METTL8: variants seen among roughly 807,000 people sequenced by gnomAD.
METTL8 encodes tRNA N(3)-cytidine methyltransferase METTL8, mitochondrial.
Under a neutral mutation model 48.7 loss-of-function variants are expected in METTL8, and 32 were observed. That is an observed-to-expected ratio of 0.66 (90% CI 0.50 to 0.88). The LOEUF (loss-of-function observed/expected upper bound fraction) is 0.88, where lower values mean the gene tolerates loss of function less well. METTL8 is among the 40% of genes least tolerant of loss of function. The pLI is 0.00. For synonymous variants in METTL8, 136 were observed against 157.1 expected (o/e 0.87, Z 1.01); for missense variants, 464 against 474.4 (o/e 0.98, Z 0.20).
In METTL8 at chr2:171,330,835, C is replaced by T. The variant is rs979313145; in HGVS notation, c.721-137G>A. 5 of 667,116 alleles carry T rather than the reference C, an allele frequency of 7.5e-6. No individual in the cohort carries two copies. In the South Asian group the frequency reaches 1.1e-4, roughly 15 times the overall value. The allele number at this position is 667,116 out of a possible 1,614,324, so 41.3% of individuals were successfully genotyped here. On this transcript the variant is annotated intron_variant, in intron 6 of 9. Transcript: ENST00000375258. ...CTCTGTCAGTCTGAACACTTTTTTCCAATTCAGTATTGTTAGCTTATTTCA... is the reference window on the plus strand; with the variant it reads ...CTCTGTCAGTCTGAACACTTTTTTCTAATTCAGTATTGTTAGCTTATTTCA...
intron 9 of METTL8, 147 bp from the exon 10 acceptor site, chr2:171,324,509 G>A (rs1209380800): frequency 5.5e-6 from 4 of 723,544 alleles, no homozygotes; most frequent in Non-Finnish European, 6.6e-6. Flanking sequence ...GGAAACCTGT[G>A]AAACCAAGCG....
At chr2:171,360,593 C>T (rs986324362) in intron 2 of METTL8, 80 bp from the exon 3 acceptor site, 1 of 1,192,288 alleles carries the variant, frequency 8.4e-7, no homozygotes, top group Non-Finnish European at 1.2e-6. Context: ...CCACATCTTT[C>T]ATTCTAGATT....
intron 1 of METTL8, among the ~76,000 whole-genome samples, chr2:171,400,395 T>G (rs1468586912): frequency 6.6e-6 from 1 of 152,194 alleles, no homozygotes; most frequent in Non-Finnish European, 1.5e-5. Flanking sequence ...TTCCCCAGTC[T>G]TTAATGGGGT....
intron 2 of METTL8, chr2:171,374,900 G>C: frequency 9.4e-7 from 1 of 1,067,722 alleles, no homozygotes; most frequent in East Asian, 2.4e-5. Flanking sequence ...CCAGAGAATA[G>C]TCTGTCTTCA....
intron 7 of METTL8, among the ~76,000 whole-genome samples, chr2:171,329,303 A>G (rs1685280597): frequency 6.6e-6 from 1 of 152,250 alleles, no homozygotes; most frequent in African/African-American, 2.4e-5. Context: ...TCTCTTCTCT[A>G]TAACATTCAA....
At chr2:171,326,351 G>A in intron 7 of METTL8, 1 of 506,494 alleles carries the variant, frequency 2.0e-6, no homozygotes, top group East Asian at 3.3e-5. Flanking sequence ...AGATTCAAAA[G>A]TCCTAGAGTA....
At chr2:171,364,050 T>A (rs1046190630) in intron 2 of METTL8, among the ~76,000 whole-genome samples, 2 of 151,572 alleles carry the variant, frequency 1.3e-5, no homozygotes, top group Non-Finnish European at 2.9e-5. Flanking sequence ...TGACCTCAGG[T>A]GATTTGCCCG....
chr2:171,365,376 T>C (rs1055822153), intron 2 of METTL8, among the ~76,000 whole-genome samples: 1 of 151,958 alleles, frequency 6.6e-6, no homozygotes, highest in African/African-American at 2.4e-5. Flanking sequence ...GACTCATGAG[T>C]TCTCCTTCAC....
intron 5 of METTL8, among the ~76,000 whole-genome samples, chr2:171,336,141 G>C (rs1686062729): frequency 6.6e-6 from 1 of 151,950 alleles, no homozygotes; most frequent in African/African-American, 2.4e-5. Flanking sequence ...CTGTTGCCTG[G>C]GCTGGAGTGC....
intron 1 of METTL8, among the ~76,000 whole-genome samples, chr2:171,398,194 A>G (rs1689295391): frequency 6.6e-6 from 1 of 152,224 alleles, no homozygotes; most frequent in African/African-American, 2.4e-5. Flanking sequence ...TTGTACACCC[A>G]TATTCATAGC....
chr2:171,337,502 C>T lies in METTL8; in HGVS notation c.607G>A (p.Val203Ile), dbSNP rs528516496. Reference sequence around the variant, plus strand: ...ACACTATTTCCAGCTCCACAACCAACCTAAAATCAAAAGAACAAGCAAATA... The same window carrying T: ...ACACTATTTCCAGCTCCACAACCAATCTAAAATCAAAAGAACAAGCAAATA... ...GSNATFRILEVGCGAGNSVFP... is the reference protein window; with the variant it reads ...GSNATFRILEIGCGAGNSVFP... The change falls in exon 5 of 10, where the codon GTT (valine) becomes ATT (isoleucine). Residue 203 changes from valine to isoleucine, a missense_variant and splice_region_variant. Transcript: ENST00000375258. The T allele has an allele frequency of 1.4e-4, 218 of 1,603,654 alleles. 3 individuals carry two copies. In the South Asian group the frequency reaches 2.2e-3, roughly 16 times the overall value.
At chr2:171,407,742 A>C (rs1690334489) in intron 1 of METTL8, among the ~76,000 whole-genome samples, 1 of 152,262 alleles carries the variant, frequency 6.6e-6, no homozygotes, top group African/African-American at 2.4e-5. Flanking sequence ...TTATGATAAT[A>C]ATCTAAAATT....
At chr2:171,431,494 C>T (rs1693013222) in intron 1 of METTL8, among the ~76,000 whole-genome samples, 1 of 152,216 alleles carries the variant, frequency 6.6e-6, no homozygotes, top group African/African-American at 2.4e-5. Flanking sequence ...GAGACAAAAA[C>T]TCAGACCTAG....
At chr2:171,378,618 G>A (rs916346614) in intron 2 of METTL8, among the ~76,000 whole-genome samples, 11 of 151,912 alleles carry the variant, frequency 7.2e-5, no homozygotes, top group Non-Finnish European at 1.5e-4. Flanking sequence ...GTGACAGAGC[G>A]AGACTCCATC....
chr2:171,355,672 C>T (rs1325301234), intron 3 of METTL8, among the ~76,000 whole-genome samples: 1 of 152,228 alleles, frequency 6.6e-6, no homozygotes, highest in Non-Finnish European at 1.5e-5. Flanking sequence ...CAATGGCAGG[C>T]GCCCCTCCCC....
intron 2 of METTL8, chr2:171,374,922 C>A: frequency 8.1e-7 from 1 of 1,238,152 alleles, no homozygotes; most frequent in Admixed American, 1.7e-5. Flanking sequence ...TCTTTAAGAA[C>A]TCAGCTCCTT....
chr2:171,366,950 C>T (rs1685790488), intron 2 of METTL8, among the ~76,000 whole-genome samples: 1 of 149,072 alleles, frequency 6.7e-6, no homozygotes, highest in Admixed American at 6.7e-5. Flanking sequence ...GAGAATGGGT[C>T]AGTAAACTTA....
chr2:171,338,000 G>C (rs1007364892), intron 4 of METTL8, among the ~76,000 whole-genome samples: 2 of 152,172 alleles, frequency 1.3e-5, no homozygotes, highest in Non-Finnish European at 2.9e-5. Context: ...GACATACACT[G>C]TCATGGAATG....
chr2:171,356,218 G>A (rs1202990969), intron 3 of METTL8, among the ~76,000 whole-genome samples: 3 of 151,998 alleles, frequency 2.0e-5, no homozygotes, highest in Admixed American at 1.3e-4. Flanking sequence ...TTGACTCACT[G>A]CAACCTCTGC....
Sources: gnomAD v4.1 joint callset for allele counts (sites outside exome capture counted in the v4.1 genomes callset) on GRCh38, gnomAD v4.1.1 for gene constraint, MANE v1.5 for transcripts, NCBI Gene and HGNC (gene_info 2026-07-23, HGNC 2026-07-21) for gene names.